Variants in PPP2R2D observed in about 807,000 individuals in gnomAD.
PPP2R2D encodes the protein protein phosphatase 2 regulatory subunit Bdelta, also known as serine/threonine-protein phosphatase 2A 55 kDa regulatory subunit B delta isoform.
In PPP2R2D, 9 loss-of-function variants were observed where a neutral mutation model predicts 31.1. The ratio of observed to expected loss-of-function variants is 0.29; its 90% CI spans 0.17 to 0.51. The LOEUF is 0.51. Among genes scored for constraint, PPP2R2D ranks in the 20% least tolerant of loss-of-function variants. PPP2R2D has a pLI of 0.98. For missense variants in PPP2R2D, 391 were observed against 465.6 expected (o/e 0.84, Z 1.48); for synonymous variants, 179 against 172.6 (o/e 1.04, Z -0.29).
the PPP2R2D span, chr10:131,967,469 T>C: frequency 6.6e-6 from 1 of 152,254 alleles, no homozygotes; most frequent in African/African-American, 2.4e-5. Context: ...GACTGAGAGA[T>C]GACTGCTTCC....
downstream of PPP2R2D, among the ~76,000 whole-genome samples, chr10:131,963,687 C>A (rs782274977): frequency 3.0e-4 from 46 of 152,274 alleles, no homozygotes; most frequent in Non-Finnish European, 5.3e-4. Flanking sequence ...CCAGGCAGCG[C>A]GCTGACACCC....
intron 8 of PPP2R2D, among the ~76,000 whole-genome samples, chr10:131,950,159 C>A (rs879963187): frequency 6.6e-6 from 1 of 152,052 alleles, no homozygotes; most frequent in Non-Finnish European, 1.5e-5. Flanking sequence ...GAAAGGAAAA[C>A]CAGAAGAAAT....
chr10:131,960,609 G>A (rs1252587687), downstream of PPP2R2D, among the ~76,000 whole-genome samples: 1 of 151,306 alleles, frequency 6.6e-6, no homozygotes, highest in African/African-American at 2.5e-5. Context: ...CCAGTGCCAT[G>A]GGATTGGTGT....
intron 2 of PPP2R2D, among the ~76,000 whole-genome samples, chr10:131,904,551 C>T (rs973073762): frequency 3.3e-5 from 5 of 151,976 alleles, no homozygotes; most frequent in South Asian, 4.2e-4. Context: ...GGGTTTTTAT[C>T]GTGCACTGCT....
At chr10:131,924,243 C>T (rs782285568) in intron 2 of PPP2R2D, among the ~76,000 whole-genome samples, 1 of 151,878 alleles carries the variant, frequency 6.6e-6, no homozygotes, top group Admixed American at 6.6e-5. Flanking sequence ...CTGTCTAATC[C>T]AAGATTGTGA....
intron 2 of PPP2R2D, among the ~76,000 whole-genome samples, chr10:131,913,184 A>ATTTTTTTTT (rs36188479): frequency 7.4e-6 from 1 of 134,834 alleles, no homozygotes; most frequent in Non-Finnish European, 1.6e-5. Flanking sequence ...TGCCCGGCTA[A>ATTTTTTTTT]TTTTTTTTTT....
chr10:131,919,324 A>C (rs1390254190), intron 2 of PPP2R2D, among the ~76,000 whole-genome samples: 1 of 114,800 alleles, frequency 8.7e-6, no homozygotes, highest in Non-Finnish European at 1.8e-5. Context: ...CAGTCTTTGT[A>C]GGGACCTCAG....
chr10:131,940,613 A>G lies in PPP2R2D; in HGVS notation c.396A>G (p.Glu132=), dbSNP rs782389069. ...DKTIKLWKIS[E]RDKRAEGYNL... ...CTATAAAATTATGGAAAATAAGTGA[A>G]CGGGATAAAAGAGCAGAAGGTTATA... The change falls in exon 5 of 9, where the codon GAA becomes GAG. Residue 132 remains glutamate (E), a synonymous_variant. Transcript: ENST00000455566. 7.7e-6 allele frequency: 6 copies of G among 774,780 alleles called. No homozygotes were observed. Among genetic ancestry groups the G allele is most frequent in the Admixed American group, 5.1e-5 (3 of 58,386 alleles). The allele number at this position is 774,780 out of a possible 1,614,324, so 48.0% of individuals were successfully genotyped here.
intron 2 of PPP2R2D, among the ~76,000 whole-genome samples, chr10:131,906,678 CAGG>C (rs2035590691): frequency 6.6e-6 from 1 of 150,394 alleles, no homozygotes; most frequent in Non-Finnish European, 1.5e-5. Flanking sequence ...CTCAGCACTT[CAGG>C]AGGCCAAGAT....
At chr10:131,929,546 C>T (rs1162598103) in intron 2 of PPP2R2D, among the ~76,000 whole-genome samples, 1 of 152,182 alleles carries the variant, frequency 6.6e-6, no homozygotes, top group Non-Finnish European at 1.5e-5. Flanking sequence ...GGGACTTCCG[C>T]CATAGGCTCT....
chr10:131,961,236 C>T (rs1265548066), downstream of PPP2R2D, among the ~76,000 whole-genome samples: 3 of 152,226 alleles, frequency 2.0e-5, no homozygotes, highest in African/African-American at 7.2e-5. Context: ...TCCCGTCCTC[C>T]GAGGGGGCTG....
At chr10:131,924,916 A>G (rs1554894709) in intron 2 of PPP2R2D, among the ~76,000 whole-genome samples, 1 of 151,610 alleles carries the variant, frequency 6.6e-6, no homozygotes, top group Non-Finnish European at 1.5e-5. Flanking sequence ...CTTTTTGATG[A>G]TATTGTAAAC....
intron 8 of PPP2R2D, among the ~76,000 whole-genome samples, chr10:131,954,548 G>A (rs527258780): frequency 4.6e-5 from 7 of 152,320 alleles, no homozygotes; most frequent in South Asian, 2.1e-4. Context: ...CCGCCTCTGT[G>A]GCGCTGTGGG....
At chr10:131,916,086 C>T (rs1224306042) in intron 2 of PPP2R2D, among the ~76,000 whole-genome samples, 1 of 152,138 alleles carries the variant, frequency 6.6e-6, no homozygotes, top group African/African-American at 2.4e-5. Flanking sequence ...AAATAGTAAC[C>T]ATAGAAATCC....
At chr10:131,953,724 T>TAGC (rs1164268152) in intron 8 of PPP2R2D, among the ~76,000 whole-genome samples, 1 of 53,970 alleles carries the variant, frequency 1.9e-5, no homozygotes, top group Non-Finnish European at 3.4e-5. Context: ...GTCACTGTCT[T>TAGC]AGTGACTTGC....
At chr10:131,903,151 T>C (rs893037654) in intron 2 of PPP2R2D, among the ~76,000 whole-genome samples, 7 of 152,302 alleles carry the variant, frequency 4.6e-5, no homozygotes, top group Admixed American at 2.6e-4. Flanking sequence ...TGTACACATA[T>C]GAAAATAGTA....
chr10:131,939,590 ACGGCAGGC>A (rs1554896893), intron 3 of PPP2R2D, among the ~76,000 whole-genome samples: 1 of 147,462 alleles, frequency 6.8e-6, no homozygotes, highest in African/African-American at 2.6e-5. Context: ...TCCAGAGAAC[ACGGCAGGC>A]TGCGTTTGGC....
In PPP2R2D at chr10:131,956,042, C is replaced by G. The variant is rs2036790356; in HGVS notation, c.*79C>G. 3 of 1,357,484 alleles carry G rather than the reference C, an allele frequency of 2.2e-6. No homozygotes were observed. Among genetic ancestry groups the G allele is most frequent in the Non-Finnish European group, 2.9e-6 (3 of 1,048,786 alleles). The allele number at this position is 1,357,484 out of a possible 1,614,324, so 84.1% of individuals were successfully genotyped here. On this transcript the variant is annotated 3_prime_UTR_variant, in exon 9 of 9. Transcript: ENST00000455566. ...TCTGTCAGAGAAAAGGCATCATTGT[C>G]CGCTCCATTAAGAACAGTGACGCAC...
downstream of PPP2R2D, among the ~76,000 whole-genome samples, chr10:131,962,686 C>T (rs1554901628): frequency 6.6e-6 from 1 of 151,830 alleles, no homozygotes; most frequent in Admixed American, 6.6e-5. Flanking sequence ...TGGCACCACC[C>T]AGTCAGAACT....
Sources: allele counts gnomAD v4.1 joint callset (sites outside exome capture counted in the v4.1 genomes callset), GRCh38; gene constraint gnomAD v4.1.1; transcripts MANE v1.5; gene names NCBI Gene and HGNC (gene_info 2026-07-23, HGNC 2026-07-21).